NADK: variants seen among roughly 807,000 people sequenced by gnomAD.
The protein encoded by NADK is NAD kinase, also known as poly(P)/ATP NAD kinase.
NADK carries 22 observed loss-of-function variants against 49.8 expected under a neutral mutation model. That is an observed-to-expected ratio of 0.44 (90% confidence interval 0.32 to 0.63). NADK has a LOEUF of 0.63. Among genes scored for constraint, NADK ranks in the 30% least tolerant of loss-of-function variants. The probability of loss-of-function intolerance (pLI) is 0.06; values close to 1 mark genes in which losing one functional copy is unlikely to be tolerated. For missense variants in NADK, 438 were observed against 609.4 expected (o/e 0.72, Z 2.96); for synonymous variants, 268 against 253.7 (o/e 1.06, Z -0.54).
intron 5 of NADK, 57 bp from the exon 6 acceptor site, chr1:1,756,400 C>T (rs938093960): frequency 1.0e-5 from 16 of 1,603,674 alleles, no homozygotes; most frequent in East Asian, 2.2e-5. Flanking sequence ...CCCTCTGTGG[C>T]GCAGTGCGCA....
intron 1 of NADK, among the ~76,000 whole-genome samples, chr1:1,773,723 T>TGAGAGAGAGA (rs1274598825): frequency 1.5e-5 from 2 of 134,792 alleles, no homozygotes; most frequent in African/African-American, 5.8e-5. Flanking sequence ...TGTGTGTGTG[T>TGAGAGAGAGA]GTGTGTGAGA....
intron 2 of NADK, among the ~76,000 whole-genome samples, chr1:1,763,346 T>C (rs552453434): frequency 4.5e-4 from 68 of 150,984 alleles, no homozygotes; most frequent in Non-Finnish European, 8.0e-4. Flanking sequence ...TAGCCGGGCG[T>C]TGTGGCTCAC....
intron 2 of NADK, 32 bp from the exon 3 acceptor site, chr1:1,762,067 G>T: frequency 6.3e-7 from 1 of 1,592,222 alleles, no homozygotes; most frequent in Non-Finnish European, 8.6e-7. Flanking sequence ...AGAGCCACCA[G>T]GGCCTGAAAC....
chr1:1,768,171 CAAA>C (rs1186857370), intron 1 of NADK, among the ~76,000 whole-genome samples: 8 of 95,538 alleles, frequency 8.4e-5, no homozygotes, highest in Admixed American at 2.4e-4. Flanking sequence ...AACTCCGTCT[CAAA>C]AAAAAAAAAA....
intron 1 of NADK, among the ~76,000 whole-genome samples, chr1:1,774,640 G>A (rs1171379484): frequency 6.6e-6 from 1 of 152,062 alleles, no homozygotes; most frequent in Non-Finnish European, 1.5e-5. Flanking sequence ...CTCCCACAGT[G>A]CTGGGATTGC....
intron 1 of NADK, among the ~76,000 whole-genome samples, chr1:1,776,368 C>T (rs1646209875): frequency 1.3e-5 from 2 of 152,250 alleles, no homozygotes; most frequent in African/African-American, 2.4e-5. Context: ...AATCTAACTG[C>T]TGACAGCAGT....
chr1:1,753,796 G>C, intron 10 of NADK, 147 bp from the exon 11 acceptor site: 1 of 828,658 alleles, frequency 1.2e-6, no homozygotes, highest in Non-Finnish European at 1.9e-6. Context: ...TACAGGCACC[G>C]GCCCAGCTCA....
At chr1:1,755,567 C>T in intron 6 of NADK, 91 bp from the exon 7 acceptor site, 1 of 925,774 alleles carries the variant, frequency 1.1e-6, no homozygotes, top group East Asian at 2.4e-5. Flanking sequence ...GGACCCAGCT[C>T]TGTGGGGACA....
chr1:1,779,572 A>C (rs1646311990), upstream of NADK, among the ~76,000 whole-genome samples: 1 of 151,956 alleles, frequency 6.6e-6, no homozygotes, highest in South Asian at 2.1e-4. Context: ...TTGACCTCTC[A>C]GGTGCAAGCG....
At position 1,752,770 on chromosome 1, in the gene NADK, AG is replaced by A; in HGVS notation, c.*133del. The A allele has an allele frequency of 9.4e-7, 1 of 1,061,376 alleles. No individual in the cohort carries two copies. The highest frequency in any genetic ancestry group is 1.4e-6 in the Non-Finnish European group (1 of 732,100). 65.7% of individuals were successfully genotyped at this position (1,061,376 alleles called of 1,614,324 possible). ...GCTGATCTGGACAAAAGGCAGACCC[AG>A]GCTCTAACCCAGCTACAGAAAGGAA... is the stretch of plus-strand genomic sequence containing the variant. On this transcript the variant is annotated 3_prime_UTR_variant, in exon 12 of 12. Coordinates refer to ENST00000341426, the MANE Select transcript of NADK (RefSeq NM_023018.5).
At chr1:1,758,673 A>C in intron 3 of NADK, 1 of 1,323,322 alleles carries the variant, frequency 7.6e-7, no homozygotes. Flanking sequence ...ACTTATAAAA[A>C]TCAAACAAAA....
rs374921888 is a variant in NADK at position 1,752,882 on chromosome 1, C to A, written c.*22G>T. 1.2e-6 allele frequency: 2 copies of A among 1,604,542 alleles called. 1 individual carries two copies. The highest frequency in any genetic ancestry group is 2.2e-5 in the South Asian group (2 of 90,014). The stretch of plus-strand genomic sequence containing the variant: ...GCGCTTGGAGGGCAGCGGAAGGATT[C>A]GGGCCTGGATAGGGGCTTGACCTAG... On this transcript the variant is annotated 3_prime_UTR_variant, in exon 12 of 12. Coordinates refer to ENST00000341426, the MANE Select transcript of NADK (RefSeq NM_023018.5).
chr1:1,775,791 C>A (rs1428122331), intron 1 of NADK, among the ~76,000 whole-genome samples: 1 of 152,224 alleles, frequency 6.6e-6, no homozygotes. Context: ...ACATTTTATT[C>A]ACTTCCCCAT....
intron 2 of NADK, among the ~76,000 whole-genome samples, chr1:1,762,843 T>C (rs1645769630): frequency 6.6e-6 from 1 of 152,248 alleles, no homozygotes; most frequent in South Asian, 2.1e-4. Context: ...GATTTAAACA[T>C]GGCCAGGTCA....
intron 3 of NADK, chr1:1,759,707 C>G: frequency 6.5e-7 from 1 of 1,546,694 alleles, no homozygotes; most frequent in South Asian, 1.2e-5. Flanking sequence ...AAGCTGCATG[C>G]CCCTCAAGGC....
At chr1:1,773,778 T>C (rs1646129717) in intron 1 of NADK, among the ~76,000 whole-genome samples, 1 of 147,430 alleles carries the variant, frequency 6.8e-6, no homozygotes, top group African/African-American at 2.5e-5. Flanking sequence ...GGTAGGGTCT[T>C]GCTCTGTCAC....
At chr1:1,760,511 C>T (rs898622623) in intron 3 of NADK, among the ~76,000 whole-genome samples, 7 of 152,202 alleles carry the variant, frequency 4.6e-5, no homozygotes, top group Non-Finnish European at 7.4e-5. Flanking sequence ...TCCATGGCAC[C>T]GGTGCCTGTC....
At chr1:1,762,372 T>C (rs1464520829) in intron 2 of NADK, among the ~76,000 whole-genome samples, 2 of 152,200 alleles carry the variant, frequency 1.3e-5, no homozygotes, top group African/African-American at 4.8e-5. Flanking sequence ...TAGATCTGCA[T>C]TTGGGACTCA....
At chr1:1,759,517 A>G (rs1224137403) in intron 3 of NADK, among the ~76,000 whole-genome samples, 4 of 152,238 alleles carry the variant, frequency 2.6e-5, no homozygotes, top group Non-Finnish European at 5.9e-5. Context: ...ACAACAAAAC[A>G]GGAAGCGGGT....
Sources: allele counts gnomAD v4.1 joint callset (sites outside exome capture counted in the v4.1 genomes callset), GRCh38; gene constraint gnomAD v4.1.1; transcripts MANE v1.5; gene names NCBI Gene and HGNC (gene_info 2026-07-23, HGNC 2026-07-21).